STAG1: variants seen among roughly 807,000 people sequenced by gnomAD.
STAG1 encodes the protein STAG1 cohesin complex component.
Under a neutral mutation model 170.9 loss-of-function variants are expected in STAG1, and 26 were observed. The ratio of observed to expected loss-of-function variants is 0.15; its 90% CI spans 0.11 to 0.21. The LOEUF (loss-of-function observed/expected upper bound fraction) is 0.21. STAG1 is among the 10% of genes least tolerant of loss of function. The pLI, the probability that STAG1 is intolerant of heterozygous loss-of-function variation, is 1.00. For synonymous variants in STAG1, 514 were observed against 497.7 expected, an observed-to-expected ratio of 1.03 and a Z score of -0.44; for missense variants, 964 against 1,509.5, an observed-to-expected ratio of 0.64 and a Z score of 5.99.
intron 1 of STAG1, among the ~76,000 whole-genome samples, chr3:136,658,808 G>A (rs1442194618): frequency 6.6e-6 from 1 of 152,134 alleles, no homozygotes; most frequent in East Asian, 1.9e-4. Context: ...CAAGATATAT[G>A]TTACTGTGCC....
intron 1 of STAG1, among the ~76,000 whole-genome samples, chr3:136,705,132 T>G (rs796512473): frequency 6.6e-6 from 1 of 151,992 alleles, no homozygotes. Flanking sequence ...TCCCAGCACT[T>G]TGGGAGGCCA....
At chr3:136,601,914 T>C (rs534030165) in intron 4 of STAG1, among the ~76,000 whole-genome samples, 2 of 152,000 alleles carry the variant, frequency 1.3e-5, no homozygotes, top group South Asian at 4.2e-4. Context: ...AAGAGAAGAA[T>C]ACCATGAATT....
chr3:136,572,968 G>C (rs1375829820), intron 4 of STAG1, among the ~76,000 whole-genome samples: 1 of 152,148 alleles, frequency 6.6e-6, no homozygotes, highest in Admixed American at 6.5e-5. Context: ...TTGAGGCCAG[G>C]AGTTCGAGAG....
intron 9 of STAG1, among the ~76,000 whole-genome samples, chr3:136,495,220 G>A (rs923316820): frequency 1.3e-5 from 2 of 152,062 alleles, no homozygotes; most frequent in South Asian, 2.1e-4. Flanking sequence ...AAATGGTGCT[G>A]GGAAAACTGA....
At chr3:136,392,744 T>G (rs1397457133) in intron 22 of STAG1, among the ~76,000 whole-genome samples, 5 of 127,216 alleles carry the variant, frequency 3.9e-5, no homozygotes, top group African/African-American at 6.1e-5. Context: ...CCACCCTGGG[T>G]GACAGAGCCA....
chr3:136,570,517 G>A (rs1200713612), intron 4 of STAG1, among the ~76,000 whole-genome samples: 1 of 152,198 alleles, frequency 6.6e-6, no homozygotes, highest in Admixed American at 6.5e-5. Context: ...TTTGATGAAT[G>A]TAAACATTCT....
At chr3:136,388,018 T>A (rs1039897151) in intron 22 of STAG1, among the ~76,000 whole-genome samples, 6 of 152,202 alleles carry the variant, frequency 3.9e-5, no homozygotes, top group Admixed American at 1.3e-4. Flanking sequence ...CCATTAAGTA[T>A]GTTTATGTAT....
At chr3:136,495,148 G>T (rs1262534025) in intron 9 of STAG1, among the ~76,000 whole-genome samples, 2 of 152,172 alleles carry the variant, frequency 1.3e-5, no homozygotes, top group African/African-American at 4.8e-5. Flanking sequence ...TTGTGTTTAT[G>T]GTCAATTCAT....
At chr3:136,640,596 T>C (rs927997598) in intron 1 of STAG1, among the ~76,000 whole-genome samples, 5 of 151,480 alleles carry the variant, frequency 3.3e-5, no homozygotes, top group Non-Finnish European at 5.9e-5. Flanking sequence ...CTCCAACTCC[T>C]GACCTCAGGT....
At chr3:136,390,867 G>A (rs1173437614) in intron 22 of STAG1, among the ~76,000 whole-genome samples, 1 of 152,200 alleles carries the variant, frequency 6.6e-6, no homozygotes, top group East Asian at 1.9e-4. Flanking sequence ...AAAGCAGCCT[G>A]TAGATTTTTA....
intron 22 of STAG1, among the ~76,000 whole-genome samples, chr3:136,393,720 C>T (rs1365860073): frequency 2.0e-5 from 3 of 151,208 alleles, no homozygotes; most frequent in South Asian, 4.2e-4. Flanking sequence ...CTCAGACTCC[C>T]GAGTAGCTAG....
chr3:136,629,579 T>G (rs973356242), intron 2 of STAG1, among the ~76,000 whole-genome samples: 5 of 151,944 alleles, frequency 3.3e-5, no homozygotes, highest in African/African-American at 1.2e-4. Context: ...CTCCCATATG[T>G]CGGCGAAAGG....
chr3:136,736,962 T>C, intron 1 of STAG1: 2 of 1,597,520 alleles, frequency 1.3e-6, no homozygotes, highest in Non-Finnish European at 1.7e-6. Flanking sequence ...AAGCCTTTTG[T>C]GCTCTGTCAG....
Position 136,359,254 on chromosome 3 carries a change from T to C in STAG1, c.2830A>G (p.Arg944Gly). The C allele has an allele frequency of 1.2e-6, 2 of 1,612,488 alleles. No homozygotes were observed. Among genetic ancestry groups the C allele is most frequent in the Non-Finnish European group, 1.7e-6 (2 of 1,179,084 alleles). ...ATGCCACTGACATGGGCAGATGTCC[T>C]ATCTAGGTTGGGACCTTGCTCTTGA... ...LVQEQGPNLD[R>G]TSAHVSGIKE... The change falls in exon 27 of 34, where the codon AGG becomes GGG. Residue 944 changes from arginine to glycine, a missense_variant. Transcript: ENST00000383202.
chr3:136,561,105 C>T (rs1244573238), intron 5 of STAG1, among the ~76,000 whole-genome samples: 2 of 152,140 alleles, frequency 1.3e-5, no homozygotes, highest in East Asian at 3.9e-4. Flanking sequence ...ACAAGGAGTC[C>T]TTATAAAATG....
intron 1 of STAG1, among the ~76,000 whole-genome samples, chr3:136,654,200 T>C (rs1456351734): frequency 1.3e-5 from 2 of 152,176 alleles, no homozygotes; most frequent in African/African-American, 2.4e-5. Context: ...AGAAGTAAAA[T>C]TGTTTCTGTT....
intron 4 of STAG1, among the ~76,000 whole-genome samples, chr3:136,584,513 G>A (rs1051275091): frequency 6.6e-5 from 10 of 152,184 alleles, no homozygotes; most frequent in African/African-American, 2.4e-4. Flanking sequence ...CCTTGTGATA[G>A]ATCAGCCTCA....
intron 29 of STAG1, among the ~76,000 whole-genome samples, chr3:136,347,327 T>C (rs565393697): frequency 5.3e-4 from 74 of 140,594 alleles, no homozygotes; most frequent in Admixed American, 3.1e-3. Context: ...ACCTGGGAGG[T>C]TGAGGTTGCA....
chr3:136,747,664 A>C (rs181434701), intron 1 of STAG1, among the ~76,000 whole-genome samples: 1 of 152,296 alleles, frequency 6.6e-6, no homozygotes, highest in African/African-American at 2.4e-5. Flanking sequence ...TGAGTGACAG[A>C]GAGAGACCCT....
Sources: allele counts gnomAD v4.1 joint callset (sites outside exome capture counted in the v4.1 genomes callset), GRCh38; gene constraint gnomAD v4.1.1; transcripts MANE v1.5; gene names NCBI Gene and HGNC (gene_info 2026-07-23, HGNC 2026-07-21).